The following RBM25 variants were observed in gnomAD, a reference collection of about 807,000 sequenced individuals.
RBM25 encodes RNA binding motif protein 25.
A neutral mutation model predicts 120.7 loss-of-function variants in RBM25; 19 were observed. That is an observed-to-expected ratio of 0.16 (90% confidence interval 0.11 to 0.23). RBM25 has a LOEUF of 0.23. Among genes scored for constraint, RBM25 ranks in the 10% least tolerant of loss-of-function variants. RBM25 has a pLI of 1.00. For missense variants in RBM25, 605 were observed against 1,041.5 expected, an observed-to-expected ratio of 0.58 and a Z score of 5.77; for synonymous variants, 390 against 326.7, an observed-to-expected ratio of 1.19 and a Z score of -2.09.
chr14:73,116,987 A>G (rs1896441995), intron 18 of RBM25, among the ~76,000 whole-genome samples: 1 of 152,186 alleles, frequency 6.6e-6, no homozygotes, highest in South Asian at 2.1e-4. Context: ...TGACTTCTTT[A>G]TATTATACCT....
chr14:73,061,715 C>T (rs11629276), intron 1 of RBM25, among the ~76,000 whole-genome samples: 5,008 of 150,452 alleles, frequency 0.033, 319 homozygotes, highest in Middle Eastern at 0.073. Context: ...CACAGGTGCA[C>T]GCCACCATGC....
chr14:73,062,805 C>G (rs1193041690), intron 1 of RBM25, among the ~76,000 whole-genome samples: 1 of 151,148 alleles, frequency 6.6e-6, no homozygotes, highest in Non-Finnish European at 1.5e-5. Flanking sequence ...GTAGGGAACC[C>G]TTCTATCATA....
chr14:73,089,685 G>C (rs976139931), intron 6 of RBM25, among the ~76,000 whole-genome samples: 1 of 145,986 alleles, frequency 6.8e-6, no homozygotes, highest in Non-Finnish European at 1.5e-5. Flanking sequence ...TTGTTTGTTT[G>C]AAATGGAGTT....
chr14:73,083,406 C>T, intron 4 of RBM25, 88 bp from the exon 5 acceptor site: 2 of 1,021,598 alleles, frequency 2.0e-6, no homozygotes. Context: ...GTTTTTTATC[C>T]CTAGTAGAAA....
intron 1 of RBM25, among the ~76,000 whole-genome samples, chr14:73,065,768 T>C (rs1010725662): frequency 6.6e-5 from 10 of 151,704 alleles, no homozygotes; most frequent in Admixed American, 3.3e-4. Flanking sequence ...TTGGCCAGGC[T>C]GGTCTCGAAC....
At position 73,083,395 on chromosome 14, in the gene RBM25, T is replaced by G. The variant is rs1455725482; in HGVS notation, c.325-99T>G. 6 of 942,142 alleles carry G rather than the reference T, an allele frequency of 6.4e-6. No individual in the cohort carries two copies. In the African/African-American group the frequency reaches 1.1e-4, roughly 17 times the overall value. The allele number at this position is 942,142 out of a possible 1,614,324, so 58.4% of individuals were successfully genotyped here. ...ATGTAGTTGCTGGTTTTTTATTTTA[T>G]GTTTTTTATCCCTAGTAGAAATATA... is the stretch of plus-strand genomic sequence containing the variant. On this transcript the variant is annotated intron_variant, in intron 4 of 18. Transcript: ENST00000261973.
At chr14:73,107,990 G>A in intron 13 of RBM25, 91 bp downstream of exon 13, 4 of 841,546 alleles carry the variant, frequency 4.8e-6, no homozygotes, top group African/African-American at 1.8e-5. Flanking sequence ...TTCACTAAGT[G>A]GAATAAGAAA....
At chr14:73,084,689 A>T (rs1209094569) in intron 5 of RBM25, among the ~76,000 whole-genome samples, 1 of 151,680 alleles carries the variant, frequency 6.6e-6, no homozygotes, top group East Asian at 2.0e-4. Flanking sequence ...AGAAGCTGGG[A>T]TTACAGGCAC....
At chr14:73,107,713 C>T in intron 12 of RBM25, 113 bp from the exon 13 acceptor site, 3 of 743,982 alleles carry the variant, frequency 4.0e-6, no homozygotes, top group African/African-American at 1.8e-5. Flanking sequence ...TATAAGTCTC[C>T]CTCTTACTCT....
At chr14:73,112,029 A>C in intron 16 of RBM25, 123 bp from the exon 17 acceptor site, 1 of 1,077,964 alleles carries the variant, frequency 9.3e-7, no homozygotes, top group African/African-American at 1.6e-5. Flanking sequence ...CTTGATACAT[A>C]TCTGTCTTAG....
At chr14:73,094,403 A>G (rs1240275167) in intron 6 of RBM25, among the ~76,000 whole-genome samples, 1 of 152,030 alleles carries the variant, frequency 6.6e-6, no homozygotes. Flanking sequence ...TTGATATTTA[A>G]ATTTTGGTTT....
At chr14:73,070,639 T>C (rs1022083938) in intron 1 of RBM25, among the ~76,000 whole-genome samples, 9 of 152,028 alleles carry the variant, frequency 5.9e-5, no homozygotes, top group African/African-American at 2.2e-4. Flanking sequence ...CTTTAGTTTT[T>C]AGGATTCTGA....
intron 1 of RBM25, among the ~76,000 whole-genome samples, chr14:73,069,273 A>T (rs771625402): frequency 6.6e-6 from 1 of 152,232 alleles, no homozygotes; most frequent in Non-Finnish European, 1.5e-5. Context: ...ACATGATGTG[A>T]TTGGTTGTAG....
chr14:73,107,060 C>CA (rs1417693398), intron 12 of RBM25, among the ~76,000 whole-genome samples: 3 of 152,060 alleles, frequency 2.0e-5, no homozygotes, highest in Non-Finnish European at 4.4e-5. Flanking sequence ...AGGATGGTCT[C>CA]AAACTCCTGT....
At chr14:73,110,423 T>C (rs1896286813) in intron 14 of RBM25, among the ~76,000 whole-genome samples, 1 of 151,652 alleles carries the variant, frequency 6.6e-6, no homozygotes, top group Non-Finnish European at 1.5e-5. Context: ...ATGTCCTTTT[T>C]TTTTTCTTTT....
At chr14:73,071,573 A>G (rs2140427367) in intron 1 of RBM25, 54 bp from the exon 2 acceptor site, 1 of 1,278,224 alleles carries the variant, frequency 7.8e-7, no homozygotes, top group Non-Finnish European at 1.1e-6. Context: ...AAGAAGGCAT[A>G]TAAAATTGTG....
Position 73,123,449 on chromosome 14 carries a change from T to G in RBM25, c.*3644T>G, listed in dbSNP as rs1229069356. ...AACTTCTCTGGGTTGTATTTCAGTCTTCTGTTAAGTATGAAATTGAGAAAT... is the reference window on the plus strand; with the variant it reads ...AACTTCTCTGGGTTGTATTTCAGTCGTCTGTTAAGTATGAAATTGAGAAAT... On this transcript the variant is annotated 3_prime_UTR_variant, in exon 19 of 19. Coordinates refer to ENST00000261973, the MANE Select transcript of RBM25 (RefSeq NM_021239.3). 1 of 152,192 alleles carries G rather than the reference T, an allele frequency of 6.6e-6. No individual in the cohort carries two copies. The highest frequency in any genetic ancestry group is 1.5e-5 in the Non-Finnish European group (1 of 68,034). The allele number at this position is 152,192 out of a possible 1,614,324, so 9.4% of individuals were successfully genotyped here.
At chr14:73,107,517 A>G (rs1896216372) in intron 12 of RBM25, 1 of 258,358 alleles carries the variant, frequency 3.9e-6, no homozygotes, top group East Asian at 1.2e-4. Flanking sequence ...AAATTAGAAA[A>G]TATTTTCTCT....
chr14:73,111,277 AAT>A, intron 15 of RBM25, 122 bp downstream of exon 15: 1 of 954,386 alleles, frequency 1.0e-6, no homozygotes, highest in Non-Finnish European at 1.5e-6. Flanking sequence ...ATTACTAAAA[AAT>A]GCCTTTCTAG....
Sources: gnomAD v4.1 joint callset for allele counts (sites outside exome capture counted in the v4.1 genomes callset) on GRCh38, gnomAD v4.1.1 for gene constraint, MANE v1.5 for transcripts, NCBI Gene and HGNC (gene_info 2026-07-23, HGNC 2026-07-21) for gene names.